The following DOK6 variants were observed in gnomAD, a reference collection of about 807,000 sequenced individuals.
DOK6 encodes the protein downstream of tyrosine kinase 6.
A neutral mutation model predicts 44.0 loss-of-function variants in DOK6; 22 were observed. The observed-to-expected ratio is 0.50, with a 90% CI of 0.36 to 0.71. The LOEUF is 0.71. Among genes scored for constraint, DOK6 ranks in the 30% least tolerant of loss-of-function variants. DOK6 has a pLI of 0.00. For synonymous variants in DOK6, 166 were observed against 145.5 expected, an observed-to-expected ratio of 1.14 and a Z score of -1.01; for missense variants, 340 against 416.4, an observed-to-expected ratio of 0.82 and a Z score of 1.60.
intron 4 of DOK6, among the ~76,000 whole-genome samples, chr18:69,683,766 TTGTTA>T (rs1293613211): frequency 2.0e-5 from 3 of 152,246 alleles, no homozygotes; most frequent in Non-Finnish European, 2.9e-5. Flanking sequence ...TGTTGGTACT[TTGTTA>T]TGATAGCCCT....
intron 6 of DOK6, among the ~76,000 whole-genome samples, chr18:69,748,156 C>T (rs1264424930): frequency 6.6e-6 from 1 of 152,160 alleles, no homozygotes; most frequent in African/African-American, 2.4e-5. Flanking sequence ...AAGGGCATTA[C>T]ATAATGGTAA....
chr18:69,513,662 G>C (rs1981437451), intron 1 of DOK6, among the ~76,000 whole-genome samples: 1 of 152,108 alleles, frequency 6.6e-6, no homozygotes, highest in African/African-American at 2.4e-5. Context: ...GGATAATTGT[G>C]CATTATGGTA....
intron 3 of DOK6, among the ~76,000 whole-genome samples, chr18:69,666,116 C>G (rs1823325843): frequency 6.6e-6 from 1 of 152,174 alleles, no homozygotes; most frequent in African/African-American, 2.4e-5. Context: ...TTTAAATACA[C>G]TCTATCTCCT....
chr18:69,726,245 T>C (rs1030042853), intron 5 of DOK6, among the ~76,000 whole-genome samples: 1 of 152,236 alleles, frequency 6.6e-6, no homozygotes, highest in African/African-American at 2.4e-5. Flanking sequence ...AGATTATAAC[T>C]AGCTAGTTCA....
chr18:69,742,644 C>T (rs1323862311), intron 6 of DOK6, among the ~76,000 whole-genome samples: 2 of 152,116 alleles, frequency 1.3e-5, no homozygotes, highest in African/African-American at 4.8e-5. Flanking sequence ...AAAGTGCTTG[C>T]ACTATGCTGA....
At chr18:69,553,790 A>T (rs1299805536) in intron 1 of DOK6, among the ~76,000 whole-genome samples, 3 of 152,208 alleles carry the variant, frequency 2.0e-5, no homozygotes, top group Non-Finnish European at 4.4e-5. Context: ...TAAACTAAAG[A>T]TGTTGGGGCT....
intron 5 of DOK6, among the ~76,000 whole-genome samples, chr18:69,733,953 A>G (rs1399695706): frequency 6.6e-6 from 1 of 152,154 alleles, no homozygotes; most frequent in Admixed American, 6.5e-5. Context: ...TTTAAAAATA[A>G]TAGATATCAA....
intron 3 of DOK6, among the ~76,000 whole-genome samples, chr18:69,654,040 C>G (rs1985300290): frequency 6.6e-6 from 1 of 152,142 alleles, no homozygotes; most frequent in African/African-American, 2.4e-5. Flanking sequence ...AAAAATGAAT[C>G]AAACAAAAAT....
intron 7 of DOK6, among the ~76,000 whole-genome samples, chr18:69,762,755 C>T (rs556635632): frequency 4.6e-5 from 7 of 152,310 alleles, no homozygotes; most frequent in Admixed American, 3.3e-4. Flanking sequence ...ACACCTATAA[C>T]TTCAGTTGTC....
chr18:69,824,341 TACAA>T (rs1568137118), intron 7 of DOK6, among the ~76,000 whole-genome samples: 8 of 151,010 alleles, frequency 5.3e-5, no homozygotes, highest in Non-Finnish European at 8.8e-5. Context: ...TGATGGTTTT[TACAA>T]AAAAAAAAAA....
At chr18:69,659,936 T>TTATATATATAACATATATGTATGTTA (rs1985477664) in intron 3 of DOK6, 1 of 98,344 alleles carries the variant, frequency 1.0e-5, no homozygotes. Flanking sequence ...TATGTATGTT[T>TTATATATATAACATATATGTATGTTA]TATATATATA....
chr18:69,690,444 T>C (rs1329920654), intron 4 of DOK6, among the ~76,000 whole-genome samples: 2 of 152,206 alleles, frequency 1.3e-5, no homozygotes, highest in Non-Finnish European at 2.9e-5. Context: ...GATCTAAGGA[T>C]GGGTCTAAAT....
intron 6 of DOK6, 131 bp downstream of exon 6, chr18:69,739,234 C>T (rs1440180917): frequency 2.4e-5 from 28 of 1,175,938 alleles, no homozygotes; most frequent in Non-Finnish European, 3.3e-5. Context: ...TGAGGGCTTA[C>T]CCTACCCTCT....
intron 7 of DOK6, among the ~76,000 whole-genome samples, chr18:69,802,451 G>C (rs1332578881): frequency 6.6e-6 from 1 of 152,100 alleles, no homozygotes; most frequent in African/African-American, 2.4e-5. Context: ...AAAGAATTAT[G>C]TCTTTCTTAT....
At position 69,684,003 on chromosome 18, in the gene DOK6, C is replaced by A. The variant is rs182890286; in HGVS notation, c.409+6150C>A. Reference sequence around the variant, plus strand: ...TGATATAATCAGCAAAGGTTATTATCTACAGGGAAAGCTGAAAGGCAATGA... The same window carrying A: ...TGATATAATCAGCAAAGGTTATTATATACAGGGAAAGCTGAAAGGCAATGA... On this transcript the variant is annotated intron_variant, in intron 4 of 7. Coordinates refer to ENST00000382713, the MANE Select transcript of DOK6 (RefSeq NM_152721.6). Among the ~76,000 whole-genome samples, 33 of 152,258 alleles carry A rather than the reference C, an allele frequency of 2.2e-4. No homozygotes were observed. In the East Asian group the frequency reaches 6.2e-3, roughly 29 times the overall value.
intron 6 of DOK6, among the ~76,000 whole-genome samples, chr18:69,754,246 C>T (rs1334564419): frequency 5.3e-5 from 8 of 150,142 alleles, no homozygotes; most frequent in South Asian, 4.2e-4. Context: ...CCAGGCTACT[C>T]GGGAGGCTGA....
chr18:69,769,179 A>G (rs1033882010), intron 7 of DOK6, among the ~76,000 whole-genome samples: 23 of 152,086 alleles, frequency 1.5e-4, no homozygotes, highest in African/African-American at 5.6e-4. Flanking sequence ...ATTTATATAT[A>G]TGATTAATGA....
At chr18:69,594,623 A>T (rs919497704) in intron 2 of DOK6, among the ~76,000 whole-genome samples, 10 of 151,780 alleles carry the variant, frequency 6.6e-5, no homozygotes, top group African/African-American at 2.4e-4. Context: ...AATAAAAGGC[A>T]TCCAGATTGG....
At chr18:69,494,908 C>T (rs768763202) in intron 1 of DOK6, among the ~76,000 whole-genome samples, 3 of 152,204 alleles carry the variant, frequency 2.0e-5, no homozygotes, top group South Asian at 2.1e-4. Context: ...GGGCTCATTG[C>T]ACCCACTTAG....
Sources: allele counts gnomAD v4.1 joint callset (sites outside exome capture counted in the v4.1 genomes callset), GRCh38; gene constraint gnomAD v4.1.1; transcripts MANE v1.5; gene names NCBI Gene and HGNC (gene_info 2026-07-23, HGNC 2026-07-21).